RAP1B: variants seen among roughly 807,000 people sequenced by gnomAD.
RAP1B encodes RAP1B, member of RAS oncogene family.
RAP1B carries 1 observed loss-of-function variant against 27.5 expected under a neutral mutation model. That is an observed-to-expected ratio of 0.04 (90% CI 0.01 to 0.17). RAP1B has a LOEUF of 0.17. Ranked by LOEUF, RAP1B falls within the 10% of genes least tolerant of loss-of-function variation. The pLI, the probability that RAP1B is intolerant of heterozygous loss-of-function variation, is 1.00. For missense variants in RAP1B, 84 were observed against 214.8 expected, an observed-to-expected ratio of 0.39 and a Z score of 3.81; for synonymous variants, 75 against 73.1, an observed-to-expected ratio of 1.03 and a Z score of -0.13.
intron 1 of RAP1B, among the ~76,000 whole-genome samples, chr12:68,639,673 C>T (rs577152141): frequency 2.6e-5 from 4 of 152,240 alleles, no homozygotes; most frequent in African/African-American, 9.6e-5. Context: ...AGGAACTCAC[C>T]AAAGGGCATT....
intron 3 of RAP1B, 21 bp from the exon 4 acceptor site, chr12:68,651,974 G>C: frequency 6.3e-7 from 1 of 1,598,772 alleles, no homozygotes; most frequent in Non-Finnish European, 8.6e-7. Context: ...AAATGAACAT[G>C]TATTTTAATT....
Position 68,669,087 on chromosome 12 carries a change from C to T in RAP1B, c.*9838C>T, listed in dbSNP as rs7302943. On this transcript the variant is annotated 3_prime_UTR_variant, in exon 8 of 8. Transcript: ENST00000250559. ...CTCAAAAAAATCTATTAGAAGTATTCAGGAACTTGGCTGGATATAAGATAA... is the reference window on the plus strand; with the variant it reads ...CTCAAAAAAATCTATTAGAAGTATTTAGGAACTTGGCTGGATATAAGATAA... 1 of 152,064 alleles carries T rather than the reference C, an allele frequency of 6.6e-6. No homozygotes were observed. Among genetic ancestry groups the T allele is most frequent in the Non-Finnish European group, 1.5e-5 (1 of 68,010 alleles). 9.4% of individuals were successfully genotyped at this position (152,064 alleles called of 1,614,324 possible).
intron 1 of RAP1B, among the ~76,000 whole-genome samples, chr12:68,643,479 T>C (rs1392123076): frequency 1.3e-5 from 2 of 152,194 alleles, no homozygotes; most frequent in Non-Finnish European, 2.9e-5. Context: ...TAAAATATAT[T>C]TAATGTTGTA....
intron 3 of RAP1B, 77 bp from the exon 4 acceptor site, chr12:68,651,918 C>A: frequency 9.2e-7 from 1 of 1,089,556 alleles, no homozygotes; most frequent in Non-Finnish European, 1.4e-6. Context: ...ATTTTTGATA[C>A]ATTAGCTTTT....
chr12:68,652,717 C>T (rs1873904611), intron 4 of RAP1B, among the ~76,000 whole-genome samples: 1 of 152,116 alleles, frequency 6.6e-6, no homozygotes, highest in Non-Finnish European at 1.5e-5. Flanking sequence ...ACTTGGGAGG[C>T]TGAGGCAGGA....
chr12:68,650,150 A>G (rs1873706172), intron 2 of RAP1B: 1 of 247,730 alleles, frequency 4.0e-6, no homozygotes, highest in Non-Finnish European at 7.6e-6. Context: ...AGAGACATTT[A>G]AAATTTTTTA....
intron 5 of RAP1B, among the ~76,000 whole-genome samples, chr12:68,655,574 C>T (rs1181594909): frequency 5.2e-5 from 7 of 135,434 alleles, no homozygotes; most frequent in Admixed American, 8.0e-5. Flanking sequence ...CTCACCCTGT[C>T]GCCCAGGCTG....
intron 1 of RAP1B, among the ~76,000 whole-genome samples, chr12:68,617,718 A>C (rs1211811479): frequency 6.6e-6 from 1 of 152,206 alleles, no homozygotes; most frequent in Non-Finnish European, 1.5e-5. Context: ...TTGAGGATCA[A>C]ATGCAGTATT....
At chr12:68,642,205 G>C (rs1263004191) in intron 1 of RAP1B, among the ~76,000 whole-genome samples, 1 of 152,128 alleles carries the variant, frequency 6.6e-6, no homozygotes, top group Admixed American at 6.5e-5. Context: ...ATTCTTAACT[G>C]TACAGATAGT....
chr12:68,643,292 G>A (rs12297054), intron 1 of RAP1B, among the ~76,000 whole-genome samples: 9,837 of 152,154 alleles, frequency 0.065, 800 homozygotes, highest in African/African-American at 0.2. Context: ...TTCTCAGAAT[G>A]TAATCATTTA....
chr12:68,610,969 C>A lies in RAP1B; in HGVS notation c.-101C>A. On this transcript the variant is annotated 5_prime_UTR_variant, in exon 1 of 8. Coordinates refer to ENST00000250559, the MANE Select transcript of RAP1B (RefSeq NM_001010942.3). ...AGCGGCGCGGCAGCGGCAGGACCGC[C>A]GTGGCGCCTAGAGTAGCGACCCGGG... is the stretch of plus-strand genomic sequence containing the variant. The A allele has an allele frequency of 3.2e-6, 1 of 312,428 alleles. No individual in the cohort carries two copies. Among genetic ancestry groups the A allele is most frequent in the Non-Finnish European group, 5.9e-6 (1 of 170,018 alleles). The allele number at this position is 312,428 out of a possible 1,614,324, so 19.4% of individuals were successfully genotyped here.
chr12:68,619,166 G>T (rs1871225393), intron 1 of RAP1B, among the ~76,000 whole-genome samples: 1 of 152,186 alleles, frequency 6.6e-6, no homozygotes, highest in Non-Finnish European at 1.5e-5. Context: ...GAAAGTATTT[G>T]TGTGATTGAG....
chr12:68,658,923 C>CT (rs1470565851), intron 7 of RAP1B, among the ~76,000 whole-genome samples: 2 of 152,186 alleles, frequency 1.3e-5, no homozygotes, highest in Non-Finnish European at 2.9e-5. Flanking sequence ...ATATTGCTAT[C>CT]TGACTTTTCA....
chr12:68,622,818 G>A (rs1033067016), intron 1 of RAP1B, among the ~76,000 whole-genome samples: 2 of 152,218 alleles, frequency 1.3e-5, no homozygotes, highest in African/African-American at 4.8e-5. Context: ...AGTATGTAAC[G>A]GTTTGTCCAT....
chr12:68,625,082 G>A (rs549114381), intron 1 of RAP1B, among the ~76,000 whole-genome samples: 10 of 152,268 alleles, frequency 6.6e-5, no homozygotes, highest in Middle Eastern at 6.8e-3. Flanking sequence ...TTTGGATACC[G>A]TCTTATCACT....
chr12:68,646,700 C>T (rs530455725), intron 1 of RAP1B, among the ~76,000 whole-genome samples: 2 of 152,324 alleles, frequency 1.3e-5, no homozygotes, highest in East Asian at 3.9e-4. Flanking sequence ...ATTGGATGCT[C>T]ATATTTCCTT....
At position 68,657,135 on chromosome 12, in the gene RAP1B, A is replaced by G; in HGVS notation, c.503A>G (p.Lys168Arg). The G allele has an allele frequency of 6.2e-7, 1 of 1,613,942 alleles. No homozygotes were observed. Among genetic ancestry groups the G allele is most frequent in the Non-Finnish European group, 8.5e-7 (1 of 1,179,840 alleles). Residue 168 changes from lysine (K) to arginine (R), a missense_variant, in exon 7 of 8, where the codon AAA becomes AGA. Lys to Arg is a conservative substitution (Grantham distance 26). Coordinates refer to ENST00000250559, the MANE Select transcript of RAP1B (RefSeq NM_001010942.3). ...FYDLVRQINR[K>R]TPVPGKARKK... ...GACCTAGTGCGGCAAATTAACAGAA[A>G]AACTCCAGTGCCTGGGAAGGCTCGC...
chr12:68,628,750 AAG>A (rs1235533514), intron 1 of RAP1B, among the ~76,000 whole-genome samples: 11 of 152,172 alleles, frequency 7.2e-5, no homozygotes, highest in African/African-American at 1.4e-4. Flanking sequence ...AAAGTGTAGA[AAG>A]AGTTTTAATT....
At chr12:68,618,112 G>C (rs1330947049) in intron 1 of RAP1B, among the ~76,000 whole-genome samples, 16 of 10,254 alleles carry the variant, frequency 1.6e-3, no homozygotes, top group African/African-American at 2.7e-3. Flanking sequence ...TTTTTTTTTT[G>C]AGGTGGAGTC....
Sources: allele counts gnomAD v4.1 joint callset (sites outside exome capture counted in the v4.1 genomes callset), GRCh38; gene constraint gnomAD v4.1.1; transcripts MANE v1.5; gene names NCBI Gene and HGNC (gene_info 2026-07-23, HGNC 2026-07-21).